Variants in SQSTM1 observed in about 807,000 individuals in gnomAD.
SQSTM1 encodes the protein sequestosome-1.
SQSTM1 carries 36 observed loss-of-function variants against 45.1 expected under a neutral mutation model. The observed-to-expected ratio is 0.80, with a 90% CI of 0.61 to 1.05. SQSTM1 has a LOEUF of 1.05. Ranked by LOEUF, SQSTM1 falls within the 50% of genes least tolerant of loss-of-function variation. The probability of loss-of-function intolerance (pLI) is 0.00; values close to 1 mark genes in which losing one functional copy is unlikely to be tolerated. For synonymous variants in SQSTM1, 290 were observed against 244.3 expected (o/e 1.19, Z -1.74); for missense variants, 617 against 607.1 (o/e 1.02, Z -0.17).
Position 179,837,252 on chromosome 5 carries a change from C to G in SQSTM1, c.*659C>G. 6.2e-7 allele frequency: 1 copy of G among 1,603,950 alleles called. No individual in the cohort carries two copies. The highest frequency in any genetic ancestry group is 8.5e-7 in the Non-Finnish European group (1 of 1,179,330). On this transcript the variant is annotated 3_prime_UTR_variant, in exon 8 of 8. Coordinates refer to ENST00000389805, the MANE Select transcript of SQSTM1 (RefSeq NM_003900.5). ...AATTAAATGGCATCAGCACTTTAAC[C>G]AATGACGTTTGCATAGAGAGAAATG...
intron 1 of SQSTM1, chr5:179,821,579 AGCCGGGCGAGC>A (rs1562650506): frequency 4.4e-6 from 2 of 454,408 alleles, no homozygotes; most frequent in Non-Finnish European, 4.4e-6. Flanking sequence ...GCCCTGGAGG[AGCCGGGCGAGC>A]GCCGGCGAGG....
chr5:179,811,287 A>C lies in SQSTM1; in HGVS notation c.-156-287A>C, dbSNP rs1002277285. Among the ~76,000 whole-genome samples, 4 of 149,682 alleles carry C rather than the reference A, an allele frequency of 2.7e-5. No individual in the cohort carries two copies. The South Asian group carries it at 6.4e-4, about 24-fold the overall frequency. On this transcript the variant is annotated intron_variant, in intron 1 of 5. Transcript: ENST00000514093. The stretch of plus-strand genomic sequence containing the variant: ...CCACACCTGCCTAAGCACTGGAAGA[A>C]CTGGGTAGAGCCACAGAAGCTCTGC...
chr5:179,837,284 AG>A lies in SQSTM1; in HGVS notation c.*692del. 2 of 1,607,764 alleles carry A rather than the reference AG, an allele frequency of 1.2e-6. No individual in the cohort carries two copies. The highest frequency in any genetic ancestry group is 1.7e-6 in the Non-Finnish European group (2 of 1,178,416). On this transcript the variant is annotated 3_prime_UTR_variant, in exon 8 of 8. Coordinates refer to ENST00000389805, the MANE Select transcript of SQSTM1 (RefSeq NM_003900.5). ...GTTTGCATAGAGAGAAATGATTGAC[AG>A]TAAGTTTATTGTTAATGGTTCTTAC...
chr5:179,807,553 C>G (rs1358507166), intron 1 of SQSTM1: 1 of 152,412 alleles, frequency 6.6e-6, no homozygotes, highest in Non-Finnish European at 1.5e-5. Context: ...GGGCCCTGCC[C>G]CCGGTGGTGT....
intron 2 of SQSTM1, 162 bp from the exon 3 acceptor site, chr5:179,823,696 T>C: frequency 5.7e-6 from 4 of 706,602 alleles, no homozygotes; most frequent in South Asian, 1.8e-5. Flanking sequence ...AGCAGGTTCT[T>C]GGTGGCTCTG....
At chr5:179,825,124 C>T in intron 4 of SQSTM1, 22 bp from the exon 5 acceptor site, 1 of 1,607,118 alleles carries the variant, frequency 6.2e-7, no homozygotes, top group Non-Finnish European at 8.5e-7. Context: ...ATATCTTTAT[C>T]TTATCTTTGT....
exon 2 of SQSTM1, chr5:179,811,600 C>T (rs1757405469): frequency 6.6e-6 from 1 of 152,180 alleles, no homozygotes; most frequent in African/African-American, 2.4e-5. Context: ...CTCTCATGGC[C>T]GCTGCACAAG....
At chr5:179,823,141 C>A in intron 2 of SQSTM1, 88 bp downstream of exon 2, 4 of 1,232,982 alleles carry the variant, frequency 3.2e-6, no homozygotes, top group African/African-American at 1.5e-5. Flanking sequence ...GATGTTCCAC[C>A]AATGAAGGGG....
At chr5:179,825,312 A>AAGGGCAAAGGAAAGGGC in intron 5 of SQSTM1, 86 bp downstream of exon 5, 1 of 1,165,916 alleles carries the variant, frequency 8.6e-7, no homozygotes, top group Non-Finnish European at 1.3e-6. Flanking sequence ...AGGAATGGGT[A>AAGGGCAAAGGAAAGGGC]ATTGACATGC....
intron 2 of SQSTM1, chr5:179,812,489 C>T (rs1370672595): frequency 6.6e-6 from 1 of 152,284 alleles, no homozygotes; most frequent in Non-Finnish European, 1.5e-5. Context: ...GCGCTGGCAT[C>T]TCCAGGCTGC....
At chr5:179,828,692 T>C (rs1393195369) in intron 5 of SQSTM1, among the ~76,000 whole-genome samples, 1 of 152,194 alleles carries the variant, frequency 6.6e-6, no homozygotes, top group Non-Finnish European at 1.5e-5. Flanking sequence ...CTTTTCATAA[T>C]CACAAGTTGG....
At chr5:179,832,967 G>A (rs1758305193) in intron 5 of SQSTM1, 65 bp from the exon 6 acceptor site, 3 of 1,545,240 alleles carry the variant, frequency 1.9e-6, no homozygotes, top group African/African-American at 1.4e-5. Context: ...CACAGGCCAA[G>A]CTCCTGCTTG....
intron 5 of SQSTM1, among the ~76,000 whole-genome samples, chr5:179,826,947 G>T (rs192588875): frequency 2.0e-4 from 30 of 152,242 alleles, no homozygotes; most frequent in African/African-American, 6.7e-4. Context: ...ATGATTGAGA[G>T]ATCGGCTGTG....
At chr5:179,827,446 G>A (rs1006082100) in intron 5 of SQSTM1, among the ~76,000 whole-genome samples, 23 of 152,164 alleles carry the variant, frequency 1.5e-4, no homozygotes, top group African/African-American at 4.6e-4. Context: ...CACCACGCCC[G>A]GCTAGTTTTT....
rs1264541949 is a variant in SQSTM1 at position 179,806,604 on chromosome 5, C to T, written c.-157+13C>T. The T allele has an allele frequency of 4.9e-6, 6 of 1,219,684 alleles. No homozygotes were observed. The highest frequency in any genetic ancestry group is 5.3e-6 in the Non-Finnish European group (5 of 949,744). The allele number at this position is 1,219,684 out of a possible 1,614,324, so 75.6% of individuals were successfully genotyped here. On this transcript the variant is annotated intron_variant, in intron 1 of 5. Transcript: ENST00000514093. This position sits in a 1 kb window ranked among gnomAD's most constrained non-coding sequence, Gnocchi z 4.6. ...CTCATCTCCTCGGGTGCGCGGCGGG[C>T]GCCCGCGGGGCCGAGGCTGCATGGC... is the stretch of plus-strand genomic sequence containing the variant.
intron 5 of SQSTM1, among the ~76,000 whole-genome samples, chr5:179,831,162 G>A (rs1256220103): frequency 1.3e-5 from 2 of 152,214 alleles, no homozygotes; most frequent in East Asian, 3.8e-4. Context: ...GGACCTAACA[G>A]GACAGAGGGT....
At chr5:179,815,209 GA>G (rs1757545060), upstream of SQSTM1, among the ~76,000 whole-genome samples, 1 of 152,194 alleles carries the variant, frequency 6.6e-6, no homozygotes, top group Non-Finnish European at 1.5e-5. Flanking sequence ...TTGAGGCCAA[GA>G]GTTCAAGACC....
intron 2 of SQSTM1, chr5:179,813,609 CAAT>C (rs1757499441): frequency 6.7e-6 from 1 of 150,246 alleles, no homozygotes; most frequent in Non-Finnish European, 1.5e-5. Context: ...AAAAAAAAAA[CAAT>C]AATAAAAGCC....
chr5:179,827,865 C>T (rs1758059004), intron 5 of SQSTM1, among the ~76,000 whole-genome samples: 1 of 152,210 alleles, frequency 6.6e-6, no homozygotes, highest in Admixed American at 6.5e-5. Context: ...AACGAGTCAA[C>T]AGCTGCCTCC....
Sources: gnomAD v4.1 joint callset for allele counts (sites outside exome capture counted in the v4.1 genomes callset) on GRCh38, gnomAD v4.1.1 for gene constraint, Gnocchi (gnomAD v3.1) non-coding constraint, MANE v1.5 for transcripts, NCBI Gene and HGNC (gene_info 2026-07-23, HGNC 2026-07-21) for gene names.